The following KIF6 variants were observed in gnomAD, a reference collection of about 807,000 sequenced individuals.
KIF6 encodes kinesin family member 6.
KIF6 carries 106 observed loss-of-function variants against 112.7 expected under a neutral mutation model. The observed-to-expected ratio is 0.94, with a 90% CI of 0.80 to 1.11. The LOEUF is 1.11. Ranked by LOEUF, KIF6 falls within the 50% of genes least tolerant of loss-of-function variation. The probability of loss-of-function intolerance (pLI) is 0.00; values close to 1 mark genes in which losing one functional copy is unlikely to be tolerated. For synonymous variants in KIF6, 339 were observed against 339.9 expected (o/e 1.00, Z 0.03); for missense variants, 929 against 964.0 (o/e 0.96, Z 0.48).
chr6:39,705,152 A>T (rs1051893386), intron 3 of KIF6, among the ~76,000 whole-genome samples: 1 of 152,248 alleles, frequency 6.6e-6, no homozygotes, highest in Non-Finnish European at 1.5e-5. Context: ...GCCTAGCTGT[A>T]GGCCTAGGTG....
At chr6:39,622,867 A>G (rs1561872804) in intron 5 of KIF6, among the ~76,000 whole-genome samples, 1 of 152,222 alleles carries the variant, frequency 6.6e-6, no homozygotes, top group Non-Finnish European at 1.5e-5. Context: ...ATGGCTGTGC[A>G]GAATGATGGA....
At chr6:39,411,859 C>A (rs896035966) in intron 15 of KIF6, among the ~76,000 whole-genome samples, 3 of 152,204 alleles carry the variant, frequency 2.0e-5, no homozygotes, top group African/African-American at 4.8e-5. Flanking sequence ...TAGCTTGTTT[C>A]CTGGGAGGAT....
intron 13 of KIF6, among the ~76,000 whole-genome samples, chr6:39,472,066 C>T (rs1382825146): frequency 6.6e-6 from 1 of 152,120 alleles, no homozygotes; most frequent in African/African-American, 2.4e-5. Flanking sequence ...TAACTTGCAC[C>T]TTTCCCTTCA....
chr6:39,698,918 G>C (rs1212756656), intron 3 of KIF6, among the ~76,000 whole-genome samples: 1 of 152,184 alleles, frequency 6.6e-6, no homozygotes, highest in East Asian at 1.9e-4. Context: ...TAAACAATTT[G>C]AGGAATCAAG....
chr6:39,537,440 A>G (rs1439438332), intron 13 of KIF6, among the ~76,000 whole-genome samples: 1 of 152,110 alleles, frequency 6.6e-6, no homozygotes, highest in Non-Finnish European at 1.5e-5. Flanking sequence ...ACAGAGAGCC[A>G]AATCATGAGT....
chr6:39,350,401 T>C (rs78927124), intron 19 of KIF6, among the ~76,000 whole-genome samples: 1,523 of 152,244 alleles, frequency 0.01, 27 homozygotes, highest in African/African-American at 0.035. Context: ...GGGTTTGAGT[T>C]CACCACTGAT....
intron 13 of KIF6, among the ~76,000 whole-genome samples, chr6:39,454,744 A>G (rs1156818604): frequency 6.6e-6 from 1 of 152,120 alleles, no homozygotes; most frequent in African/African-American, 2.4e-5. Flanking sequence ...TTTCCGAGTC[A>G]AAGAAAGGGA....
Position 39,719,312 on chromosome 6 carries a change from C to G in KIF6, c.176+1390G>C, listed in dbSNP as rs1052988623. ...CCAGCCTGGGCGACAGAGCAAAACT[C>G]TGTCTCAAAAAAAAGAAAAGAATTT... On this transcript the variant is annotated intron_variant, in intron 2 of 22. Coordinates refer to ENST00000287152, the MANE Select transcript of KIF6 (RefSeq NM_145027.6). Among the ~76,000 whole-genome samples the G allele has an allele frequency of 2.0e-5, 3 of 149,798 alleles. No homozygotes were observed. In the Admixed American group the frequency reaches 2.0e-4, roughly 10 times the overall value.
intron 16 of KIF6, among the ~76,000 whole-genome samples, chr6:39,380,415 G>A (rs917173041): frequency 6.6e-6 from 1 of 152,180 alleles, no homozygotes; most frequent in Non-Finnish European, 1.5e-5. Context: ...ACCAGGGTTC[G>A]GTAGATGTTT....
chr6:39,692,470 C>T (rs1438368817), intron 3 of KIF6, among the ~76,000 whole-genome samples: 3 of 152,182 alleles, frequency 2.0e-5, no homozygotes, highest in Non-Finnish European at 2.9e-5. Context: ...ACTGTGCAGT[C>T]TGGTTTTGTT....
intron 3 of KIF6, among the ~76,000 whole-genome samples, chr6:39,693,548 C>T (rs1471788125): frequency 6.6e-6 from 1 of 152,020 alleles, no homozygotes; most frequent in Non-Finnish European, 1.5e-5. Context: ...TCTCTATGCA[C>T]ATAAACTAGA....
chr6:39,371,801 T>A (rs960996973), intron 16 of KIF6, among the ~76,000 whole-genome samples: 1 of 152,020 alleles, frequency 6.6e-6, no homozygotes, highest in Admixed American at 6.6e-5. Flanking sequence ...TAAGGCACAT[T>A]CCCTCAAGTT....
intron 19 of KIF6, among the ~76,000 whole-genome samples, chr6:39,356,681 T>G (rs925175995): frequency 2.6e-5 from 4 of 152,206 alleles, no homozygotes; most frequent in Non-Finnish European, 5.9e-5. Context: ...CATACTATCC[T>G]GGCCTCTGGC....
intron 13 of KIF6, among the ~76,000 whole-genome samples, chr6:39,463,069 A>G (rs1313930615): frequency 6.6e-6 from 1 of 152,230 alleles, no homozygotes; most frequent in Non-Finnish European, 1.5e-5. Context: ...AAATTTAACT[A>G]CACTGAGTTA....
intron 22 of KIF6, among the ~76,000 whole-genome samples, chr6:39,336,789 C>T (rs572773946): frequency 3.0e-5 from 4 of 134,046 alleles, no homozygotes; most frequent in South Asian, 4.8e-4. Context: ...CCTACCCCAC[C>T]GTTTTCTTTC....
At chr6:39,625,649 G>GA (rs902711617) in intron 5 of KIF6, among the ~76,000 whole-genome samples, 13 of 152,052 alleles carry the variant, frequency 8.5e-5, no homozygotes, top group African/African-American at 2.7e-4. Context: ...ATAGGAGACA[G>GA]AAAAAAATAA....
At chr6:39,517,397 T>C (rs1777145375) in intron 13 of KIF6, among the ~76,000 whole-genome samples, 1 of 152,164 alleles carries the variant, frequency 6.6e-6, no homozygotes, top group African/African-American at 2.4e-5. Context: ...ATTTGAACCT[T>C]TGGTAGGTTC....
chr6:39,674,809 A>G (rs1222886524), intron 3 of KIF6, among the ~76,000 whole-genome samples: 1 of 149,612 alleles, frequency 6.7e-6, no homozygotes, highest in Non-Finnish European at 1.5e-5. Context: ...TAAAACTAAC[A>G]TACTAGATAA....
chr6:39,343,015 T>C lies in KIF6; in HGVS notation c.2428+694A>G, dbSNP rs1363270091. 6.1e-6 allele frequency: 6 copies of C among 985,172 alleles called. No homozygotes were observed. In the African/African-American group the frequency reaches 8.7e-5, roughly 14 times the overall value. The allele number at this position is 985,172 out of a possible 1,614,324, so 61.0% of individuals were successfully genotyped here. A position where few individuals can be genotyped will look rare whatever the true frequency, so the allele number is the denominator to read the frequency against. ...AGCCTTTGGGTTATGGGGAGGAGGC[T>C]AAGACAAAATGCAGGCCTGGGGTAA... On this transcript the variant is annotated intron_variant, in intron 22 of 22. Transcript: ENST00000287152. The surrounding 1 kb of genome is among the most constrained non-coding windows in gnomAD (Gnocchi z 4.1).
Sources: gnomAD v4.1 joint callset for allele counts (sites outside exome capture counted in the v4.1 genomes callset) on GRCh38, gnomAD v4.1.1 for gene constraint, Gnocchi (gnomAD v3.1) non-coding constraint, MANE v1.5 for transcripts, NCBI Gene and HGNC (gene_info 2026-07-23, HGNC 2026-07-21) for gene names.